Variants in GLIS3 observed in about 807,000 individuals in gnomAD.
GLIS3 encodes GLIS family zinc finger 3, also known as zinc finger protein GLIS3.
GLIS3 carries 53 observed loss-of-function variants against 78.6 expected under a neutral mutation model. The ratio of observed to expected loss-of-function variants is 0.67; its 90% CI spans 0.54 to 0.85. The LOEUF (loss-of-function observed/expected upper bound fraction) is 0.85, where lower values mean the gene tolerates loss of function less well. Ranked by LOEUF, GLIS3 falls within the 40% of genes least tolerant of loss-of-function variation. The pLI is 0.00. For missense variants in GLIS3, 1,703 were observed against 1,231.1 expected, an observed-to-expected ratio of 1.38 and a Z score of -5.74; for synonymous variants, 684 against 509.9, an observed-to-expected ratio of 1.34 and a Z score of -4.60.
intron 2 of GLIS3, among the ~76,000 whole-genome samples, chr9:4,253,167 AG>A (rs1377514717): frequency 6.6e-6 from 1 of 152,234 alleles, no homozygotes; most frequent in Non-Finnish European, 1.5e-5. Context: ...TGCTCTCTTC[AG>A]AGCCGGCAGG....
chr9:4,340,567 C>G (rs2130583856), intron 2 of GLIS3, among the ~76,000 whole-genome samples: 1 of 152,282 alleles, frequency 6.6e-6, no homozygotes, highest in South Asian at 2.1e-4. Flanking sequence ...GGTGGCAGGA[C>G]AGCAGGAATG....
intron 2 of GLIS3, among the ~76,000 whole-genome samples, chr9:4,258,634 G>A (rs1825214010): frequency 6.6e-6 from 1 of 152,180 alleles, no homozygotes; most frequent in Non-Finnish European, 1.5e-5. Context: ...TCACCAAGGG[G>A]AACCATGTTC....
chr9:4,077,286 G>C (rs1828159467), intron 4 of GLIS3, among the ~76,000 whole-genome samples: 2 of 152,278 alleles, frequency 1.3e-5, no homozygotes, highest in South Asian at 2.1e-4. Context: ...AATACAGAAA[G>C]TATGCACATT....
the GLIS3 span, among the ~76,000 whole-genome samples, chr9:4,447,070 C>G: frequency 6.6e-6 from 1 of 151,754 alleles, no homozygotes; most frequent in South Asian, 2.1e-4. Context: ...TTAATAGAGA[C>G]AAGGTCTCAC....
At chr9:4,439,899 T>A in the GLIS3 span, among the ~76,000 whole-genome samples, 1 of 152,196 alleles carries the variant, frequency 6.6e-6, no homozygotes, top group South Asian at 2.1e-4. Flanking sequence ...CCCAGGCTGG[T>A]CTTGAACTCC....
At chr9:4,484,387 G>A in the GLIS3 span, among the ~76,000 whole-genome samples, 21 of 136,340 alleles carry the variant, frequency 1.5e-4, no homozygotes, top group Non-Finnish European at 2.5e-4. Flanking sequence ...ACAGGTGTGT[G>A]CTACCATGCC....
chr9:4,091,045 G>C (rs774738590), intron 4 of GLIS3, among the ~76,000 whole-genome samples: 1 of 152,158 alleles, frequency 6.6e-6, no homozygotes, highest in Non-Finnish European at 1.5e-5. Context: ...GTTGTTGCAA[G>C]TAAAGTTAGT....
Position 4,143,229 on chromosome 9 carries a change from G to A in GLIS3, c.389-17288C>T, listed in dbSNP as rs554323856. 1.1e-4 allele frequency among the ~76,000 whole-genome samples: 16 copies of A among 151,948 alleles called. No homozygotes were observed. The East Asian group carries it at 1.2e-3, about 11-fold the overall frequency. On this transcript the variant is annotated intron_variant, in intron 2 of 10. Transcript: ENST00000381971. ...CTTACATGGTTACCTTTGCATGTGC[G>A]CACGTGTGTATTTGTGTGTGTGTGT...
At chr9:4,164,158 G>A (rs1335475358) in intron 2 of GLIS3, among the ~76,000 whole-genome samples, 1 of 152,194 alleles carries the variant, frequency 6.6e-6, no homozygotes, top group Non-Finnish European at 1.5e-5. Context: ...GGGTCATTTA[G>A]TGTCCTTAAA....
the GLIS3 span, among the ~76,000 whole-genome samples, chr9:4,488,270 C>T: frequency 6.6e-6 from 1 of 152,172 alleles, no homozygotes; most frequent in East Asian, 1.9e-4. Context: ...GTTTATTTTA[C>T]ACACATGTGA....
chr9:4,435,129 G>C, the GLIS3 span, among the ~76,000 whole-genome samples: 1 of 152,284 alleles, frequency 6.6e-6, no homozygotes, highest in Non-Finnish European at 1.5e-5. Context: ...CTGGTTGGCA[G>C]GGTATGAATA....
At chr9:4,030,041 G>A (rs541969489) in intron 4 of GLIS3, among the ~76,000 whole-genome samples, 3 of 152,264 alleles carry the variant, frequency 2.0e-5, no homozygotes, top group Admixed American at 1.3e-4. Flanking sequence ...CACAGTGGCT[G>A]TACTAATTTA....
At chr9:4,228,053 A>G (rs921929742) in intron 2 of GLIS3, among the ~76,000 whole-genome samples, 3 of 152,164 alleles carry the variant, frequency 2.0e-5, no homozygotes, top group African/African-American at 7.2e-5. Context: ...TTCTCCCCAT[A>G]CTTATAAGAA....
At chr9:3,907,734 T>A (rs1823822313) in intron 6 of GLIS3, among the ~76,000 whole-genome samples, 1 of 152,076 alleles carries the variant, frequency 6.6e-6, no homozygotes, top group Non-Finnish European at 1.5e-5. Context: ...GGGATTGGGC[T>A]AGGCTGAGAC....
At chr9:4,397,016 CTTTTTT>C in the GLIS3 span, among the ~76,000 whole-genome samples, 1 of 133,358 alleles carries the variant, frequency 7.5e-6, no homozygotes, top group African/African-American at 3.0e-5. Flanking sequence ...ATCCTTTTTT[CTTTTTT>C]TCTTTTTTTT....
At chr9:4,439,766 C>A in the GLIS3 span, among the ~76,000 whole-genome samples, 6 of 152,160 alleles carry the variant, frequency 3.9e-5, no homozygotes, top group East Asian at 1.9e-4. Flanking sequence ...TATTTGGGAA[C>A]CTTCCCAACT....
the GLIS3 span, among the ~76,000 whole-genome samples, chr9:4,398,218 A>AGTT: frequency 4.6e-5 from 7 of 151,548 alleles, no homozygotes; most frequent in African/African-American, 9.7e-5. Flanking sequence ...GCTGAGGCAT[A>AGTT]TTTTTTTTAA....
the GLIS3 span, among the ~76,000 whole-genome samples, chr9:4,358,097 C>T: frequency 6.6e-6 from 1 of 151,902 alleles, no homozygotes; most frequent in Non-Finnish European, 1.5e-5. Flanking sequence ...ACAGTATGTT[C>T]CCATTTGTGT....
chr9:3,828,162 G>A lies in GLIS3; in HGVS notation c.*110C>T. 1 of 1,261,532 alleles carries A rather than the reference G, an allele frequency of 7.9e-7. No individual in the cohort carries two copies. The highest frequency in any genetic ancestry group is 1.1e-6 in the Non-Finnish European group (1 of 870,108). The allele number at this position is 1,261,532 out of a possible 1,614,324, so 78.1% of individuals were successfully genotyped here. ...GAAAGAACATCAGTAACTCTGCAGG[G>A]CCCGCTGATTGGGCTGACATCCTTC... On this transcript the variant is annotated 3_prime_UTR_variant, in exon 11 of 11. Transcript: ENST00000381971.
Sources: gnomAD v4.1 joint callset for allele counts (sites outside exome capture counted in the v4.1 genomes callset) on GRCh38, gnomAD v4.1.1 for gene constraint, MANE v1.5 for transcripts, NCBI Gene and HGNC (gene_info 2026-07-23, HGNC 2026-07-21) for gene names.